Variants in SLC7A11 observed in about 807,000 individuals in gnomAD.
SLC7A11 encodes solute carrier family 7 member 11, also known as cystine/glutamate transporter.
A neutral mutation model predicts 54.5 loss-of-function variants in SLC7A11; 35 were observed. The observed-to-expected ratio is 0.64, with a 90% CI of 0.49 to 0.85. The LOEUF (loss-of-function observed/expected upper bound fraction) is 0.85, where lower values mean the gene tolerates loss of function less well. SLC7A11 is among the 40% of genes least tolerant of loss of function. The probability of loss-of-function intolerance (pLI) is 0.00; values close to 1 mark genes in which losing one functional copy is unlikely to be tolerated. For synonymous variants in SLC7A11, 230 were observed against 225.2 expected (o/e 1.02, Z -0.19); for missense variants, 583 against 618.1 (o/e 0.94, Z 0.60).
intron 3 of SLC7A11, among the ~76,000 whole-genome samples, chr4:138,227,836 C>T (rs1737979607): frequency 6.6e-6 from 1 of 151,892 alleles, no homozygotes; most frequent in South Asian, 2.1e-4. Context: ...TTTTGCATGT[C>T]ATCCTCCTAA....
At chr4:138,220,141 T>C (rs907344916) in intron 4 of SLC7A11, among the ~76,000 whole-genome samples, 1 of 152,118 alleles carries the variant, frequency 6.6e-6, no homozygotes, top group African/African-American at 2.4e-5. Context: ...GGTTTCACCA[T>C]GTTGGCCAGG....
chr4:138,216,401 C>G lies in SLC7A11; in HGVS notation c.747-1772G>C, dbSNP rs550931456. ...TCACACAATTGAAAAAAAAGAAAAC[C>G]CTACCAAGCAATGTTTAGCTTTGGA... is the stretch of plus-strand genomic sequence containing the variant. On this transcript the variant is annotated intron_variant, in intron 5 of 11. Transcript: ENST00000280612. Among the ~76,000 whole-genome samples, 131 of 152,064 alleles carry G rather than the reference C, an allele frequency of 8.6e-4. 1 individual carries two copies. The highest frequency in any genetic ancestry group is 3.1e-3 in the African/African-American group (127 of 41,484).
intron 1 of SLC7A11, among the ~76,000 whole-genome samples, chr4:138,237,313 A>G (rs997845331): frequency 4.6e-5 from 7 of 151,306 alleles, no homozygotes; most frequent in African/African-American, 1.7e-4. Context: ...TGTAGGATAT[A>G]TTTTGTCAAC....
chr4:138,233,344 C>T (rs1738128302), intron 2 of SLC7A11, among the ~76,000 whole-genome samples: 1 of 152,024 alleles, frequency 6.6e-6, no homozygotes, highest in Admixed American at 6.6e-5. Flanking sequence ...GCCACCATGC[C>T]TGGCTAATTT....
chr4:138,181,389 T>A (rs1401220405), intron 9 of SLC7A11, among the ~76,000 whole-genome samples: 1 of 151,870 alleles, frequency 6.6e-6, no homozygotes, highest in African/African-American at 2.4e-5. Flanking sequence ...AGCGCAGAGA[T>A]CAGCTTAGCA....
chr4:138,231,210 G>A (rs1033692041), intron 3 of SLC7A11, among the ~76,000 whole-genome samples: 4 of 151,964 alleles, frequency 2.6e-5, no homozygotes, highest in African/African-American at 9.7e-5. Context: ...GGAGGATAAG[G>A]GATGAAAATT....
Position 138,182,346 on chromosome 4 carries a change from G to C in SLC7A11, c.1067C>G (p.Ser356Cys), listed in dbSNP as rs756894220. Residue 356 changes from serine to cysteine, a missense_variant, in exon 9 of 12, where the codon TCC becomes TGC. By Grantham distance (112) the Ser-to-Cys change is moderately radical. Coordinates refer to ENST00000280612, the MANE Select transcript of SLC7A11 (RefSeq NM_014331.4). ...SREGHLPEIL[S>C]MIHVRKHTPL... ...AGTGTGCTTGCGGACATGAATCATGGAGAGGATTTCTGGAAGGTGACCCTC... is the reference window on the plus strand; with the variant it reads ...AGTGTGCTTGCGGACATGAATCATGCAGAGGATTTCTGGAAGGTGACCCTC... 3 of 1,612,266 alleles carry C rather than the reference G, an allele frequency of 1.9e-6. No individual in the cohort carries two copies. Among genetic ancestry groups the C allele is most frequent in the Admixed American group, 3.3e-5 (2 of 59,864 alleles).
At position 138,214,620 on chromosome 4, in the gene SLC7A11, GA is replaced by G; in HGVS notation, c.755del (p.Leu252ProfsTer8). 7.2e-7 allele frequency: 1 copy of G among 1,380,728 alleles called. No homozygotes were observed. Among genetic ancestry groups the G allele is most frequent in the Non-Finnish European group, 9.9e-7 (1 of 1,010,294 alleles). 85.5% of individuals were successfully genotyped at this position (1,380,728 alleles called of 1,614,324 possible). A position where few individuals can be genotyped will look rare whatever the true frequency, so the allele number is the denominator to read the frequency against. ...TTTCTACTTCTTCAGTAACAAAGTTGAGGTAAAACCTAAAAATAGATAAATA... is the reference window on the plus strand; with the variant it reads ...TTTCTACTTCTTCAGTAACAAAGTTGGGTAAAACCTAAAAATAGATAAATA... Reference protein sequence around the residue: ...GMYAYAGWFYLNFVTEEVENP... With the variant: ...GMYAYAGWFYXNFVTEEVENP... On this transcript the variant is annotated frameshift_variant, in exon 6 of 12. Coordinates refer to ENST00000280612, the MANE Select transcript of SLC7A11 (RefSeq NM_014331.4). LOFTEE classifies it high-confidence loss of function.
intron 6 of SLC7A11, among the ~76,000 whole-genome samples, chr4:138,213,458 T>C (rs1578657641): frequency 6.6e-6 from 1 of 151,988 alleles, no homozygotes; most frequent in Non-Finnish European, 1.5e-5. Flanking sequence ...GTCCAGGCTA[T>C]TTCATACTGA....
intron 6 of SLC7A11, among the ~76,000 whole-genome samples, chr4:138,194,392 G>A (rs1210278102): frequency 1.3e-5 from 2 of 152,050 alleles, no homozygotes; most frequent in African/African-American, 2.4e-5. Flanking sequence ...ATAAGCTTTT[G>A]TGCATTCATT....
chr4:138,182,373 C>T lies in SLC7A11; in HGVS notation c.1040G>A (p.Arg347Gln), dbSNP rs1466862630. 1.2e-6 allele frequency: 2 copies of T among 1,608,594 alleles called. No individual in the cohort carries two copies. The highest frequency in any genetic ancestry group is 1.7e-5 in the Admixed American group (1 of 59,828). The change falls in exon 9 of 12, where the codon CGA becomes CAA. Residue 347 changes from arginine (R) to glutamine (Q), a missense_variant. Physicochemically the swap from Arg to Gln is conservative, Grantham distance 43. Transcript: ENST00000280612. ...AVSRLFYVAS[R>Q]EGHLPEILSM... ...GAGGATTTCTGGAAGGTGACCCTCTCGAGACGCAACATAGAATAACCTGAT... is the reference window on the plus strand; with the variant it reads ...GAGGATTTCTGGAAGGTGACCCTCTTGAGACGCAACATAGAATAACCTGAT...
intron 2 of SLC7A11, 34 bp downstream of exon 2, chr4:138,236,291 T>A: frequency 6.4e-7 from 1 of 1,574,584 alleles, no homozygotes; most frequent in Non-Finnish European, 8.6e-7. Flanking sequence ...TGAATTGGTT[T>A]ATTTTTTCTT....
intron 7 of SLC7A11, among the ~76,000 whole-genome samples, chr4:138,184,107 A>G (rs1736816470): frequency 6.6e-6 from 1 of 152,166 alleles, no homozygotes; most frequent in Admixed American, 6.6e-5. Flanking sequence ...TATGCAATTA[A>G]TGGGCCACAT....
chr4:138,194,441 C>A (rs910800304), intron 6 of SLC7A11, among the ~76,000 whole-genome samples: 1 of 152,138 alleles, frequency 6.6e-6, no homozygotes, highest in Non-Finnish European at 1.5e-5. Flanking sequence ...TACAAAGATT[C>A]ATGTCCCTCT....
intron 6 of SLC7A11, among the ~76,000 whole-genome samples, chr4:138,187,268 T>G (rs568885523): frequency 2.0e-5 from 3 of 152,086 alleles, no homozygotes; most frequent in Non-Finnish European, 4.4e-5. Context: ...ACCTTCTAGG[T>G]TGGTTTCCCT....
chr4:138,210,354 T>C (rs1185053185), intron 6 of SLC7A11, among the ~76,000 whole-genome samples: 2 of 151,848 alleles, frequency 1.3e-5, no homozygotes, highest in Non-Finnish European at 2.9e-5. Flanking sequence ...TATGACTAAG[T>C]TCTCAGAAGC....
intron 6 of SLC7A11, among the ~76,000 whole-genome samples, chr4:138,194,455 T>C (rs149222034): frequency 6.6e-6 from 1 of 152,174 alleles, no homozygotes; most frequent in Non-Finnish European, 1.5e-5. Context: ...TCCCTCTCTT[T>C]AGGAACATTT....
In SLC7A11 at chr4:138,179,216, C is replaced by T. The variant is rs1736656604; in HGVS notation, c.1444+1G>A. The stretch of plus-strand genomic sequence containing the variant: ...GTCCTGAAAGTATTTAAAATTCTTA[C>T]CCGACATTATTCTAAACCACCTGGG... On this transcript the variant is annotated splice_donor_variant, in intron 11 of 11. Transcript: ENST00000280612. LOFTEE classifies it high-confidence loss of function. 7.5e-6 allele frequency: 12 copies of T among 1,590,940 alleles called. No individual in the cohort carries two copies. The highest frequency in any genetic ancestry group is 1.0e-5 in the Non-Finnish European group (12 of 1,160,032).
At chr4:138,199,914 T>C (rs1284540506) in intron 6 of SLC7A11, among the ~76,000 whole-genome samples, 1 of 152,134 alleles carries the variant, frequency 6.6e-6, no homozygotes, top group Admixed American at 6.6e-5. Context: ...CACTTCTCCT[T>C]GGCAAGAGGA....
Sources: gnomAD v4.1 joint callset for allele counts (sites outside exome capture counted in the v4.1 genomes callset) on GRCh38, gnomAD v4.1.1 for gene constraint, MANE v1.5 for transcripts, NCBI Gene and HGNC (gene_info 2026-07-23, HGNC 2026-07-21) for gene names.